HIP1: variants seen among roughly 807,000 people sequenced by gnomAD.
HIP1 encodes the protein huntingtin interacting protein 1.
Under a neutral mutation model 147.6 loss-of-function variants are expected in HIP1, and 65 were observed. The observed-to-expected ratio is 0.44, with a 90% CI of 0.36 to 0.54. The LOEUF (loss-of-function observed/expected upper bound fraction) is 0.54, where lower values mean the gene tolerates loss of function less well. Among genes scored for constraint, HIP1 ranks in the 20% least tolerant of loss-of-function variants. HIP1 has a pLI of 0.00. For synonymous variants in HIP1, 479 were observed against 504.0 expected, an observed-to-expected ratio of 0.95 and a Z score of 0.67; for missense variants, 1,061 against 1,299.6, an observed-to-expected ratio of 0.82 and a Z score of 2.82.
chr7:75,596,992 T>C (rs938859137), intron 2 of HIP1, among the ~76,000 whole-genome samples: 1 of 152,224 alleles, frequency 6.6e-6, no homozygotes, highest in African/African-American at 2.4e-5. Flanking sequence ...GGGTCAGGGC[T>C]GAGTCATTTC....
intron 26 of HIP1, 51 bp from the exon 27 acceptor site, chr7:75,544,851 TC>T: frequency 8.8e-7 from 1 of 1,134,380 alleles, no homozygotes; most frequent in Non-Finnish European, 1.3e-6. Flanking sequence ...GAGCTGCAAC[TC>T]CTCCACAATC....
At chr7:75,648,695 G>A (rs1368507908) in intron 1 of HIP1, among the ~76,000 whole-genome samples, 4 of 152,140 alleles carry the variant, frequency 2.6e-5, no homozygotes, top group Non-Finnish European at 5.9e-5. Flanking sequence ...CTGAATTGGG[G>A]CCATGGCTTC....
intron 1 of HIP1, among the ~76,000 whole-genome samples, chr7:75,670,786 CTT>C (rs782710876): frequency 4.1e-5 from 5 of 122,806 alleles, no homozygotes; most frequent in Non-Finnish European, 4.9e-5. Flanking sequence ...CTAATTAAAA[CTT>C]TTTTTTTTTT....
At chr7:75,707,297 G>A (rs1489531550) in intron 1 of HIP1, among the ~76,000 whole-genome samples, 69 of 30,524 alleles carry the variant, frequency 2.3e-3, no homozygotes, top group Admixed American at 4.4e-3. Context: ...AGCACCTGTT[G>A]TTTCCTGACT....
chr7:75,660,670 T>C (rs1039039960), intron 1 of HIP1, among the ~76,000 whole-genome samples: 2 of 152,146 alleles, frequency 1.3e-5, no homozygotes, highest in Non-Finnish European at 2.9e-5. Context: ...CGAATAATGT[T>C]TGGGGCATAT....
rs2705810 is a variant in HIP1, at chr7:75,676,195, A to G, written c.120+62606T>C. 8.8e-3 allele frequency among the ~76,000 whole-genome samples: 1,337 copies of G among 152,222 alleles called. 20 individuals carry two copies. Among genetic ancestry groups the G allele is most frequent in the African/African-American group, 0.031 (1,273 of 41,534 alleles). On this transcript the variant is annotated intron_variant, in intron 1 of 30. Transcript: ENST00000336926. ...TATTCTACATCATGTGTGGCCACTG[A>G]ATTCTTTGCGCAGTTAACTTAGTGG...
Position 75,556,796 on chromosome 7 carries a change from C to G in HIP1, c.1597G>C (p.Glu533Gln). 1 of 1,611,162 alleles carries G rather than the reference C, an allele frequency of 6.2e-7. No individual in the cohort carries two copies. Among genetic ancestry groups the G allele is most frequent in the Non-Finnish European group, 8.5e-7 (1 of 1,177,510 alleles). ...TCCTGCTTCAAGCTCTCTAGAACTT[C>G]CAGCTGTTCTTGAGTCTGAAAGAGA... ...QGQRKTQEQL[E>Q]VLESLKQELA... The change falls in exon 17 of 31, where the codon GAA (glutamate) becomes CAA (glutamine). Residue 533 changes from glutamate to glutamine, a missense_variant. Around this residue, in one of 3 missense-constraint regions of HIP1, gnomAD observed 810 missense variants for 946.8 expected, o/e 0.86. Coordinates refer to ENST00000336926, the MANE Select transcript of HIP1 (RefSeq NM_005338.7).
intron 1 of HIP1, among the ~76,000 whole-genome samples, chr7:75,737,834 G>C (rs1041215937): frequency 6.6e-6 from 1 of 152,194 alleles, no homozygotes; most frequent in Admixed American, 6.5e-5. Flanking sequence ...TCCACTCTGA[G>C]CACAAGAGTG....
At chr7:75,546,153 A>G (rs949735310) in intron 25 of HIP1, among the ~76,000 whole-genome samples, 11 of 152,184 alleles carry the variant, frequency 7.2e-5, no homozygotes, top group Non-Finnish European at 1.5e-4. Context: ...AAAAGAGTCT[A>G]GCCACTCTCT....
chr7:75,652,711 T>C (rs1799035833), intron 1 of HIP1, among the ~76,000 whole-genome samples: 1 of 151,942 alleles, frequency 6.6e-6, no homozygotes, highest in African/African-American at 2.4e-5. Flanking sequence ...TCGTTTATAA[T>C]GCTATATTAG....
At chr7:75,599,521 C>T (rs1796893189) in intron 1 of HIP1, among the ~76,000 whole-genome samples, 1 of 152,172 alleles carries the variant, frequency 6.6e-6, no homozygotes, top group African/African-American at 2.4e-5. Flanking sequence ...ACTCCCTTGG[C>T]ACAACAACAT....
intron 1 of HIP1, among the ~76,000 whole-genome samples, chr7:75,708,084 G>A (rs548532925): frequency 1.4e-4 from 20 of 148,144 alleles, no homozygotes; most frequent in South Asian, 2.1e-4. Flanking sequence ...GGCAACAAAA[G>A]CCAAAATTGA....
At position 75,568,361 on chromosome 7, in the gene HIP1, G is replaced by T; in HGVS notation, c.746-105C>A. On this transcript the variant is annotated intron_variant, in intron 8 of 30. Transcript: ENST00000336926. This position sits in a 1 kb window ranked among gnomAD's most constrained non-coding sequence, Gnocchi z 4.1. Reference sequence around the variant, plus strand: ...GGGCCCAGCTACCCTGGGGCATGTGGCCAGCACTGCCAGGGGCCACGACTG... The same window carrying T: ...GGGCCCAGCTACCCTGGGGCATGTGTCCAGCACTGCCAGGGGCCACGACTG... 1 of 789,546 alleles carries T rather than the reference G, an allele frequency of 1.3e-6. No individual in the cohort carries two copies. Among genetic ancestry groups the T allele is most frequent in the Non-Finnish European group, 2.3e-6 (1 of 439,466 alleles). 48.9% of individuals were successfully genotyped at this position (789,546 alleles called of 1,614,324 possible). A position where few individuals can be genotyped will look rare whatever the true frequency, so the allele number is the denominator to read the frequency against.
chr7:75,663,932 GTGTATATATATATATACACATATA>G, intron 1 of HIP1, among the ~76,000 whole-genome samples: 1 of 65,904 alleles, frequency 1.5e-5, no homozygotes, highest in South Asian at 5.3e-4. Context: ...TTATGTATGT[GTGTATATATATATATACACATATA>G]TGTGTATATA....
At chr7:75,626,019 A>ATGCCATCTATGGAACAT (rs1393849293) in intron 1 of HIP1, 3 of 152,062 alleles carry the variant, frequency 2.0e-5, no homozygotes, top group Non-Finnish European at 4.4e-5. Flanking sequence ...CGGCGAGAAA[A>ATGCCATCTATGGAACAT]TGCCATCTAT....
Position 75,663,960 on chromosome 7 carries a change from G to GTATA in HIP1, c.121-64717_121-64714dup, listed in dbSNP as rs1184339300. ...TATATATATATATACACATATATGT[G>GTATA]TATATATATATACACATATATGTGT... On this transcript the variant is annotated intron_variant, in intron 1 of 30. Coordinates refer to ENST00000336926, the MANE Select transcript of HIP1 (RefSeq NM_005338.7). Among the ~76,000 whole-genome samples, 34 of 52,962 alleles carry GTATA rather than the reference G, an allele frequency of 6.4e-4. 3 individuals are homozygous for GTATA. Among genetic ancestry groups the GTATA allele is most frequent in the African/African-American group, 2.7e-3 (28 of 10,460 alleles). The allele number at this position is 52,962 out of a possible 152,430, so 34.7% of individuals were successfully genotyped here.
At position 75,636,114 on chromosome 7, in the gene HIP1, G is replaced by A. The variant is rs782253547; in HGVS notation, c.121-36867C>T. On this transcript the variant is annotated intron_variant, in intron 1 of 30. Coordinates refer to ENST00000336926, the MANE Select transcript of HIP1 (RefSeq NM_005338.7). ...TCTAGCACTTTGGGAGGCTGAGGTG[G>A]GTGGATTGCTTGGGCCCAGGAGTTT... Among the ~76,000 whole-genome samples, 105 of 151,812 alleles carry A rather than the reference G, an allele frequency of 6.9e-4. 1 individual carries two copies. The highest frequency in any genetic ancestry group is 7.8e-4 in the Non-Finnish European group (53 of 67,946).
At chr7:75,728,778 A>AC (rs1263102974) in intron 1 of HIP1, among the ~76,000 whole-genome samples, 2 of 125,044 alleles carry the variant, frequency 1.6e-5, no homozygotes, top group East Asian at 4.7e-4. Context: ...ACACAGCGAG[A>AC]CTCTGTCTCA....
intron 1 of HIP1, among the ~76,000 whole-genome samples, chr7:75,687,203 G>C (rs983449035): frequency 3.3e-5 from 5 of 152,056 alleles, no homozygotes; most frequent in African/African-American, 1.2e-4. Context: ...GGCTGTTACC[G>C]AAAGTCTCAG....
Sources: allele counts gnomAD v4.1 joint callset (sites outside exome capture counted in the v4.1 genomes callset), GRCh38; gene constraint gnomAD v4.1.1; regional missense constraint gnomAD v4.1.1; non-coding constraint Gnocchi (gnomAD v3.1); transcripts MANE v1.5; gene names NCBI Gene and HGNC (gene_info 2026-07-23, HGNC 2026-07-21).